GRID2: variants seen among roughly 807,000 people sequenced by gnomAD.
GRID2 encodes glutamate ionotropic receptor delta type subunit 2, also known as glutamate receptor ionotropic, delta-2.
A neutral mutation model predicts 114.8 loss-of-function variants in GRID2; 33 were observed. That is an observed-to-expected ratio of 0.29 (90% CI 0.22 to 0.38). The LOEUF is 0.38. GRID2 is among the 10% of genes least tolerant of loss of function. GRID2 has a pLI of 1.00. For missense variants in GRID2, 1,184 were observed against 1,257.7 expected (o/e 0.94, Z 0.89); for synonymous variants, 505 against 449.9 (o/e 1.12, Z -1.55).
intron 10 of GRID2, among the ~76,000 whole-genome samples, chr4:93,428,431 A>G (rs1283693359): frequency 2.0e-5 from 3 of 152,146 alleles, no homozygotes; most frequent in African/African-American, 7.2e-5. Context: ...CTTCATTTTT[A>G]TAGACACTGA....
chr4:93,267,968 C>T (rs1048534162), intron 8 of GRID2, among the ~76,000 whole-genome samples: 4 of 152,140 alleles, frequency 2.6e-5, no homozygotes, highest in East Asian at 1.9e-4. Context: ...AGGGTCAGGA[C>T]GCTCCCCTGC....
intron 2 of GRID2, among the ~76,000 whole-genome samples, chr4:92,769,556 A>G (rs1195328392): frequency 6.6e-6 from 1 of 152,182 alleles, no homozygotes; most frequent in Non-Finnish European, 1.5e-5. Context: ...TGAGAGCACC[A>G]TCCCTGCAGC....
At chr4:92,306,458 C>T (rs896573859) in intron 1 of GRID2, among the ~76,000 whole-genome samples, 4 of 152,118 alleles carry the variant, frequency 2.6e-5, no homozygotes, top group African/African-American at 9.7e-5. Flanking sequence ...AGAGAAATGG[C>T]ATACATTTAT....
intron 2 of GRID2, among the ~76,000 whole-genome samples, chr4:92,924,198 A>G (rs1253786301): frequency 1.3e-5 from 2 of 152,154 alleles, no homozygotes; most frequent in African/African-American, 4.8e-5. Flanking sequence ...GAATTGAACA[A>G]TGACAACACA....
chr4:92,315,274 T>C (rs1004526642), intron 1 of GRID2, among the ~76,000 whole-genome samples: 3 of 152,186 alleles, frequency 2.0e-5, no homozygotes, highest in African/African-American at 7.2e-5. Context: ...GTGATATGGA[T>C]GTCAGATGGT....
At chr4:93,099,213 T>C (rs556491383) in intron 3 of GRID2, among the ~76,000 whole-genome samples, 19 of 151,984 alleles carry the variant, frequency 1.3e-4, no homozygotes, top group African/African-American at 4.3e-4. Flanking sequence ...TACCTCCTTT[T>C]TTGGTTTGAA....
At position 93,766,825 on chromosome 4, in the gene GRID2, G is replaced by T. The variant is rs950961583; in HGVS notation, c.2361-2385G>T. Among the ~76,000 whole-genome samples the T allele has an allele frequency of 2.6e-5, 4 of 152,076 alleles. No individual in the cohort carries two copies. In the South Asian group the frequency reaches 6.2e-4, roughly 24 times the overall value. ...ATTATGGTAAGAATTCTTAACATGG[G>T]TGCTATTCTATGAAAATTTTTAATG... On this transcript the variant is annotated intron_variant, in intron 14 of 15. Coordinates refer to ENST00000282020, the MANE Select transcript of GRID2 (RefSeq NM_001510.4).
intron 14 of GRID2, among the ~76,000 whole-genome samples, chr4:93,673,092 A>G (rs1466852903): frequency 6.6e-6 from 1 of 152,350 alleles, no homozygotes; most frequent in African/African-American, 2.4e-5. Flanking sequence ...ACACATTGGC[A>G]TTTGTACAGT....
At chr4:92,440,832 A>G (rs1733015235) in intron 1 of GRID2, among the ~76,000 whole-genome samples, 1 of 152,150 alleles carries the variant, frequency 6.6e-6, no homozygotes, top group Admixed American at 6.5e-5. Context: ...TGGTATCAGG[A>G]ATAATGTGGG....
In GRID2 at chr4:93,772,218, C is replaced by T; in HGVS notation, c.2744C>T (p.Ala915Val). 6.2e-7 allele frequency: 1 copy of T among 1,614,124 alleles called. No homozygotes were observed. The highest frequency in any genetic ancestry group is 8.5e-7 in the Non-Finnish European group (1 of 1,180,002). The change falls in exon 16 of 16, where the codon GCA becomes GTA. Residue 915 changes from alanine (A) to valine (V), a missense_variant. By Grantham distance (64) the Ala-to-Val change is moderately conservative (BLOSUM62 0). Around this residue, in one of 3 missense-constraint regions of GRID2, gnomAD observed 717 missense variants for 796.9 expected, o/e 0.90. Coordinates refer to ENST00000282020, the MANE Select transcript of GRID2 (RefSeq NM_001510.4). ...LDIDTLPTRQ[A>V]LEQISDFRNT... ...ATTGACACTTTGCCAACACGACAAG[C>T]ACTGGAGCAAATCAGTGATTTCAGG...
At chr4:93,716,891 A>AT (rs1231578659) in intron 14 of GRID2, among the ~76,000 whole-genome samples, 1 of 152,012 alleles carries the variant, frequency 6.6e-6, no homozygotes, top group Non-Finnish European at 1.5e-5. Flanking sequence ...ATCAATGCAA[A>AT]TTTTTTTCTT....
chr4:93,334,786 C>T (rs996974928), intron 8 of GRID2, among the ~76,000 whole-genome samples: 1 of 152,078 alleles, frequency 6.6e-6, no homozygotes, highest in Non-Finnish European at 1.5e-5. Context: ...AAAAAATTAG[C>T]CGGGCGTGGT....
At chr4:93,472,609 AAC>A (rs2149436641) in intron 11 of GRID2, among the ~76,000 whole-genome samples, 1 of 152,334 alleles carries the variant, frequency 6.6e-6, no homozygotes, top group South Asian at 2.1e-4. Context: ...TAAGCTGGTA[AAC>A]AGTGTGAGGA....
chr4:93,082,647 A>T (rs565473949), intron 2 of GRID2, among the ~76,000 whole-genome samples: 1 of 152,310 alleles, frequency 6.6e-6, no homozygotes, highest in Admixed American at 6.5e-5. Flanking sequence ...TCTCTAAATT[A>T]TCTTTTAGGC....
intron 1 of GRID2, among the ~76,000 whole-genome samples, chr4:92,457,156 T>G (rs1721255438): frequency 6.6e-6 from 1 of 152,142 alleles, no homozygotes; most frequent in Non-Finnish European, 1.5e-5. Flanking sequence ...TTGTTCTCTA[T>G]TTTTACTATC....
intron 2 of GRID2, among the ~76,000 whole-genome samples, chr4:92,807,274 T>A (rs1740465465): frequency 6.6e-6 from 1 of 152,046 alleles, no homozygotes; most frequent in African/African-American, 2.4e-5. Context: ...AATATCTATA[T>A]ATTGTGCATA....
Position 93,690,920 on chromosome 4 carries a change from AAT to A in GRID2, c.2360+64487_2360+64488del, listed in dbSNP as rs1247687091. The stretch of plus-strand genomic sequence containing the variant: ...CTTTATGTTATGTAGCTTTATATAT[AAT>A]AGTTTATTTTATATATATTATAACA... On this transcript the variant is annotated intron_variant, in intron 14 of 15. Transcript: ENST00000282020. Among the ~76,000 whole-genome samples, 3 of 147,874 alleles carry A rather than the reference AAT, an allele frequency of 2.0e-5. No homozygotes were observed. The Admixed American group carries it at 2.0e-4, about 10-fold the overall frequency.
chr4:93,387,549 G>A (rs1212499521), intron 8 of GRID2, among the ~76,000 whole-genome samples: 1 of 152,138 alleles, frequency 6.6e-6, no homozygotes, highest in Non-Finnish European at 1.5e-5. Context: ...TGATGTACAG[G>A]CCAGGCGCGG....
intron 2 of GRID2, among the ~76,000 whole-genome samples, chr4:92,876,032 T>G (rs1745603511): frequency 6.6e-6 from 1 of 152,092 alleles, no homozygotes; most frequent in Non-Finnish European, 1.5e-5. Flanking sequence ...TCATACAGTG[T>G]TCTCTTCTTA....
Sources: allele counts gnomAD v4.1 joint callset (sites outside exome capture counted in the v4.1 genomes callset), GRCh38; gene constraint gnomAD v4.1.1; regional missense constraint gnomAD v4.1.1; transcripts MANE v1.5; gene names NCBI Gene and HGNC (gene_info 2026-07-23, HGNC 2026-07-21).